WDHD1: variants seen among roughly 807,000 people sequenced by gnomAD.
WDHD1 encodes WD repeat and HMG-box DNA-binding protein 1.
Under a neutral mutation model 135.4 loss-of-function variants are expected in WDHD1, and 111 were observed. The observed-to-expected ratio is 0.82, with a 90% CI of 0.70 to 0.96. WDHD1 has a LOEUF of 0.96. Ranked by LOEUF, WDHD1 falls within the 40% of genes least tolerant of loss-of-function variation. The pLI, the probability that WDHD1 is intolerant of heterozygous loss-of-function variation, is 0.00. For synonymous variants in WDHD1, 434 were observed against 439.0 expected (o/e 0.99, Z 0.14); for missense variants, 1,351 against 1,336.3 (o/e 1.01, Z -0.17).
chr14:54,990,364 T>C (rs942150559), intron 12 of WDHD1, among the ~76,000 whole-genome samples: 1 of 151,904 alleles, frequency 6.6e-6, no homozygotes, highest in Non-Finnish European at 1.5e-5. Context: ...TTGGGAGGCC[T>C]AGGCAGGCGG....
At chr14:54,993,556 T>C (rs990976157) in intron 11 of WDHD1, among the ~76,000 whole-genome samples, 1 of 152,238 alleles carries the variant, frequency 6.6e-6, no homozygotes, top group African/African-American at 2.4e-5. Flanking sequence ...ATTAATTGAA[T>C]GTGCTATTAA....
At chr14:54,992,140 C>A (rs1283662582) in intron 11 of WDHD1, among the ~76,000 whole-genome samples, 1 of 151,992 alleles carries the variant, frequency 6.6e-6, no homozygotes, top group Non-Finnish European at 1.5e-5. Flanking sequence ...TGCCTGTAAT[C>A]CCATCTACTC....
intron 18 of WDHD1, among the ~76,000 whole-genome samples, 198 bp from the exon 19 acceptor site, chr14:54,963,370 T>A (rs1343090502): frequency 6.6e-6 from 1 of 151,840 alleles, no homozygotes; most frequent in African/African-American, 2.4e-5. Flanking sequence ...TGGGTCAGTT[T>A]GGCAGCATTT....
rs142102529 is a variant in WDHD1 at position 55,014,290 on chromosome 14, A to G, written c.78-694T>C. ...TTTTTTGTAGAGACAGGGTGTCCCT[A>G]CGTTGCCCAGGCTGGTCTTGAGCTC... is the stretch of plus-strand genomic sequence containing the variant. On this transcript the variant is annotated intron_variant, in intron 2 of 25. Transcript: ENST00000360586. 3.1e-3 allele frequency among the ~76,000 whole-genome samples: 472 copies of G among 152,274 alleles called. 2 individuals are homozygous for G. The highest frequency in any genetic ancestry group is 0.02 in the Middle Eastern group (6 of 294).
intron 24 of WDHD1, 146 bp from the exon 25 acceptor site, chr14:54,944,616 CTTT>C (rs780376690): frequency 0.042 from 11,244 of 267,146 alleles, 33 homozygotes; most frequent in South Asian, 0.062. Flanking sequence ...ATTCATGTTA[CTTT>C]TTTTTTTTTT....
At chr14:54,972,471 G>C (rs561001064) in intron 16 of WDHD1, among the ~76,000 whole-genome samples, 3 of 141,582 alleles carry the variant, frequency 2.1e-5, no homozygotes, top group East Asian at 4.2e-4. Flanking sequence ...CCAGCTACTC[G>C]GGAGGGTAAA....
intron 23 of WDHD1, 81 bp downstream of exon 23, chr14:54,956,953 C>T: frequency 2.0e-6 from 3 of 1,502,648 alleles, no homozygotes; most frequent in Non-Finnish European, 2.7e-6. Context: ...ACCTCCTATC[C>T]TATATCTGAA....
At chr14:55,018,201 T>A (rs148815802) in intron 2 of WDHD1, among the ~76,000 whole-genome samples, 1 of 152,190 alleles carries the variant, frequency 6.6e-6, no homozygotes, top group East Asian at 1.9e-4. Flanking sequence ...TAAATCTTAG[T>A]TGCATTTAGT....
chr14:54,957,004 T>C (rs2140160839), intron 23 of WDHD1, 30 bp downstream of exon 23: 4 of 1,603,480 alleles, frequency 2.5e-6, no homozygotes, highest in South Asian at 2.2e-5. Flanking sequence ...CCATGCTGCT[T>C]ACTGCAGATG....
intron 11 of WDHD1, 26 bp downstream of exon 11, chr14:54,995,577 T>A: frequency 6.5e-7 from 1 of 1,529,268 alleles, no homozygotes; most frequent in Non-Finnish European, 8.8e-7. Context: ...AACAGGGTAA[T>A]CACATGCACA....
intron 16 of WDHD1, among the ~76,000 whole-genome samples, chr14:54,978,025 A>G (rs1020288822): frequency 6.6e-6 from 1 of 152,158 alleles, no homozygotes; most frequent in Non-Finnish European, 1.5e-5. Flanking sequence ...AAGAAGCAAA[A>G]TTGTTCATTG....
At chr14:54,998,803 A>C (rs2041930697) in intron 10 of WDHD1, among the ~76,000 whole-genome samples, 1 of 152,174 alleles carries the variant, frequency 6.6e-6, no homozygotes, top group South Asian at 2.1e-4. Flanking sequence ...TTGTGGTTCA[A>C]TCAATATACA....
chr14:54,949,164 CG>C (rs1439068354), intron 24 of WDHD1, among the ~76,000 whole-genome samples: 41 of 152,264 alleles, frequency 2.7e-4, no homozygotes, highest in Middle Eastern at 3.4e-3. Context: ...ATGACTTTGA[CG>C]AGTTGAGAGA....
intron 23 of WDHD1, among the ~76,000 whole-genome samples, chr14:54,955,978 A>G (rs959547449): frequency 1.3e-5 from 2 of 148,188 alleles, no homozygotes; most frequent in Non-Finnish European, 3.0e-5. Context: ...GCTCACTGCA[A>G]CCTCCACCCT....
chr14:55,010,124 A>T (rs1331785127), intron 4 of WDHD1, among the ~76,000 whole-genome samples, 185 bp downstream of exon 4: 1 of 152,188 alleles, frequency 6.6e-6, no homozygotes, highest in East Asian at 1.9e-4. Flanking sequence ...CGGCCAAAGC[A>T]ATATATTTCA....
chr14:54,994,376 A>G (rs1170606811), intron 11 of WDHD1, among the ~76,000 whole-genome samples: 1 of 152,192 alleles, frequency 6.6e-6, no homozygotes, highest in East Asian at 1.9e-4. Context: ...TGCCATACAG[A>G]CATATAATGT....
chr14:54,944,289 T>G (rs747886442), intron 25 of WDHD1, 43 bp downstream of exon 25: 1 of 1,595,834 alleles, frequency 6.3e-7, no homozygotes. Context: ...TTTTTAAATC[T>G]GGGAATTCAC....
chr14:55,007,231 TA>T (rs369698327), intron 7 of WDHD1, 48 bp downstream of exon 7: 152,629 of 1,023,220 alleles, frequency 0.15, 6 homozygotes, highest in East Asian at 0.22. Context: ...CCATCTCTAA[TA>T]AAAAAAAAAA....
chr14:55,023,402 TCA>T (rs1353866387), intron 2 of WDHD1, among the ~76,000 whole-genome samples: 1 of 152,242 alleles, frequency 6.6e-6, no homozygotes, highest in African/African-American at 2.4e-5. Context: ...AATTTCCTTT[TCA>T]CAGTGGTCCT....
Sources: allele counts gnomAD v4.1 joint callset (sites outside exome capture counted in the v4.1 genomes callset), GRCh38; gene constraint gnomAD v4.1.1; transcripts MANE v1.5; gene names NCBI Gene and HGNC (gene_info 2026-07-23, HGNC 2026-07-21).